Variants in CC2D2A observed in about 807,000 individuals in gnomAD.
CC2D2A encodes coiled-coil and C2 domain-containing protein 2A.
Under a neutral mutation model 212.9 loss-of-function variants are expected in CC2D2A, and 155 were observed. The observed-to-expected ratio is 0.73, with a 90% confidence interval of 0.64 to 0.83. CC2D2A has a LOEUF of 0.83. Ranked by LOEUF, CC2D2A falls within the 40% of genes least tolerant of loss-of-function variation. CC2D2A has a pLI of 0.00. For missense variants in CC2D2A, 1,856 were observed against 1,956.2 expected, an observed-to-expected ratio of 0.95 and a Z score of 0.97; for synonymous variants, 667 against 686.5, an observed-to-expected ratio of 0.97 and a Z score of 0.44.
intron 27 of CC2D2A, among the ~76,000 whole-genome samples, chr4:15,569,686 C>A (rs919504659): frequency 6.6e-6 from 1 of 152,168 alleles, no homozygotes; most frequent in African/African-American, 2.4e-5. Context: ...AAAAAAAGAT[C>A]ATGGGAAGAT....
intron 4 of CC2D2A, chr4:15,492,774 G>T: frequency 1.4e-6 from 1 of 720,600 alleles, no homozygotes; most frequent in Non-Finnish European, 2.5e-6. Flanking sequence ...TATTGCTATA[G>T]CCAAATTCAT....
At chr4:15,480,129 T>C (rs1188458232) in intron 3 of CC2D2A, among the ~76,000 whole-genome samples, 1 of 152,210 alleles carries the variant, frequency 6.6e-6, no homozygotes, top group Non-Finnish European at 1.5e-5. Context: ...TTATTTTTCT[T>C]TTACAGATAA....
At chr4:15,478,168 C>T (rs1324834091) in intron 2 of CC2D2A, among the ~76,000 whole-genome samples, 1 of 152,108 alleles carries the variant, frequency 6.6e-6, no homozygotes, top group Admixed American at 6.5e-5. Context: ...ACGAAGTTTG[C>T]GCTGTTAAAG....
intron 8 of CC2D2A, among the ~76,000 whole-genome samples, chr4:15,513,621 C>G (rs1716694111): frequency 6.6e-6 from 1 of 152,214 alleles, no homozygotes; most frequent in African/African-American, 2.4e-5. Context: ...GTTCATTTAG[C>G]CTTTTTGAAC....
In CC2D2A at chr4:15,523,280, G is replaced by A. The variant is rs1428689816; in HGVS notation, c.1150-4167G>A. The stretch of plus-strand genomic sequence containing the variant: ...ATATTCTTAGCTGTGCTAAATTCTG[G>A]GAATACAGAGGGAGCAATCTTAGCT... On this transcript the variant is annotated intron_variant, in intron 11 of 36. Coordinates refer to ENST00000424120, the MANE Select transcript of CC2D2A (RefSeq NM_001378615.1). 2.6e-5 allele frequency among the ~76,000 whole-genome samples: 4 copies of A among 151,948 alleles called. No homozygotes were observed. In the East Asian group the frequency reaches 5.8e-4, roughly 22 times the overall value.
At position 15,527,603 on chromosome 4, in the gene CC2D2A, G is replaced by A. The variant is rs1453493262; in HGVS notation, c.1306G>A (p.Asp436Asn). ...VLAAKLAQLY[D>N]QYLARHQRNK... is the part of the protein sequence containing the mutation. ...GGCAGCCAAGCTGGCCCAGTTATATGACCAGTACCTTGCAAGACACCAGAG... is the reference window on the plus strand; with the variant it reads ...GGCAGCCAAGCTGGCCCAGTTATATAACCAGTACCTTGCAAGACACCAGAG... The change falls in exon 12 of 37, where the codon GAC becomes AAC. Residue 436 changes from aspartate (D) to asparagine (N), a missense_variant. Coordinates refer to ENST00000424120, the MANE Select transcript of CC2D2A (RefSeq NM_001378615.1). 6.2e-7 allele frequency: 1 copy of A among 1,612,906 alleles called. No homozygotes were observed.
At position 15,537,314 on chromosome 4, in the gene CC2D2A, G is replaced by A. The variant is rs147182496; in HGVS notation, c.1764+238G>A. Among the ~76,000 whole-genome samples the A allele has an allele frequency of 2.0e-3, 299 of 152,338 alleles. 1 individual carries two copies. Among genetic ancestry groups the A allele is most frequent in the Admixed American group, 3.9e-3 (59 of 15,310 alleles). ...AGAGCCAGCTGTGTCCACAGAGAAT[G>A]CTATGGTAGCACTCTGTGCCTATTT... On this transcript the variant is annotated intron_variant, in intron 15 of 36. Coordinates refer to ENST00000424120, the MANE Select transcript of CC2D2A (RefSeq NM_001378615.1).
chr4:15,550,523 T>C (rs761499683), intron 17 of CC2D2A, among the ~76,000 whole-genome samples: 4 of 152,182 alleles, frequency 2.6e-5, no homozygotes, highest in Non-Finnish European at 5.9e-5. Context: ...CCCATTCTCC[T>C]AGCAAGCCAT....
chr4:15,470,189 C>T (rs534147397), intron 1 of CC2D2A, 132 bp downstream of exon 1: 2 of 152,238 alleles, frequency 1.3e-5, no homozygotes, highest in South Asian at 4.1e-4. Flanking sequence ...GGGCTCTCAT[C>T]GTTATTTATG....
chr4:15,531,366 C>T (rs1717838365), intron 13 of CC2D2A, among the ~76,000 whole-genome samples: 1 of 152,206 alleles, frequency 6.6e-6, no homozygotes, highest in Non-Finnish European at 1.5e-5. Flanking sequence ...CGTCCCTTTC[C>T]AGCCATTTGT....
At chr4:15,570,295 T>C in intron 27 of CC2D2A, 103 bp from the exon 28 acceptor site, 1 of 669,802 alleles carries the variant, frequency 1.5e-6, no homozygotes, top group Non-Finnish European at 2.6e-6. Context: ...CTAATATAAG[T>C]TCATATGCTT....
chr4:15,561,861 A>T (rs1287045370), intron 23 of CC2D2A, among the ~76,000 whole-genome samples: 1 of 152,132 alleles, frequency 6.6e-6, no homozygotes, highest in Non-Finnish European at 1.5e-5. Flanking sequence ...TAAAAACATG[A>T]GCTATATAGT....
At chr4:15,493,859 A>G (rs1715456349) in intron 4 of CC2D2A, among the ~76,000 whole-genome samples, 1 of 152,216 alleles carries the variant, frequency 6.6e-6, no homozygotes, top group African/African-American at 2.4e-5. Flanking sequence ...AGCATTGCCA[A>G]AACTGGAGTT....
In CC2D2A at chr4:15,530,860, G is replaced by A. The variant is rs560191744; in HGVS notation, c.1466+2134G>A. On this transcript the variant is annotated intron_variant, in intron 13 of 36. Coordinates refer to ENST00000424120, the MANE Select transcript of CC2D2A (RefSeq NM_001378615.1). ...AGCCCTCCACTGGTGCAGTTAACCCGGGCCAGCACCATAAAGCATTTTCCA... is the reference window on the plus strand; with the variant it reads ...AGCCCTCCACTGGTGCAGTTAACCCAGGCCAGCACCATAAAGCATTTTCCA... Among the ~76,000 whole-genome samples the A allele has an allele frequency of 2.7e-5, 4 of 150,866 alleles. No individual in the cohort carries two copies. In the East Asian group the frequency reaches 5.9e-4, roughly 22 times the overall value.
intron 4 of CC2D2A, among the ~76,000 whole-genome samples, chr4:15,491,582 T>G (rs562961495): frequency 3.5e-4 from 54 of 152,280 alleles, no homozygotes; most frequent in Non-Finnish European, 6.6e-4. Flanking sequence ...TGTTTGTATT[T>G]TTAGTAGAGA....
intron 8 of CC2D2A, among the ~76,000 whole-genome samples, chr4:15,513,175 C>T (rs1716670764): frequency 6.6e-6 from 1 of 152,186 alleles, no homozygotes; most frequent in South Asian, 2.1e-4. Flanking sequence ...AACAATCATT[C>T]TACAAATCAG....
chr4:15,478,645 G>C, intron 2 of CC2D2A, 78 bp from the exon 3 acceptor site: 1 of 1,053,142 alleles, frequency 9.5e-7, no homozygotes, highest in South Asian at 1.6e-5. Context: ...GGTCAAGATG[G>C]GAGTTTTAAT....
At chr4:15,479,253 C>T (rs756806857) in intron 3 of CC2D2A, 3 of 1,537,118 alleles carry the variant, frequency 2.0e-6, no homozygotes, top group African/African-American at 2.7e-5. Flanking sequence ...AGCCTGCTGG[C>T]AGATCCTCCC....
At chr4:15,520,055 A>C (rs1430010407) in intron 11 of CC2D2A, among the ~76,000 whole-genome samples, 1 of 152,216 alleles carries the variant, frequency 6.6e-6, no homozygotes, top group Non-Finnish European at 1.5e-5. Context: ...GCGGATTCTG[A>C]GTACAGTCCT....
Sources: allele counts gnomAD v4.1 joint callset (sites outside exome capture counted in the v4.1 genomes callset), GRCh38; gene constraint gnomAD v4.1.1; transcripts MANE v1.5; gene names NCBI Gene and HGNC (gene_info 2026-07-23, HGNC 2026-07-21).